The following LRP1B variants were observed in gnomAD, a reference collection of about 807,000 sequenced individuals.
LRP1B encodes LDL receptor related protein 1B, also known as low-density lipoprotein receptor-related protein 1B.
LRP1B carries 217 observed loss-of-function variants against 556.6 expected under a neutral mutation model. That is an observed-to-expected ratio of 0.39 (90% CI 0.35 to 0.44). The LOEUF is 0.44. LRP1B is among the 20% of genes least tolerant of loss of function. The pLI is 1.00. For missense variants in LRP1B, 5,053 were observed against 5,620.8 expected, an observed-to-expected ratio of 0.90 and a Z score of 3.23; for synonymous variants, 2,047 against 1,865.8, an observed-to-expected ratio of 1.10 and a Z score of -2.50.
intron 32 of LRP1B, among the ~76,000 whole-genome samples, chr2:140,777,271 T>C (rs865878382): frequency 6.6e-6 from 1 of 152,158 alleles, no homozygotes; most frequent in Non-Finnish European, 1.5e-5. Context: ...TCCTTAGCCC[T>C]TTGCCCCTAG....
At chr2:141,894,744 T>C (rs1016292647) in intron 1 of LRP1B, among the ~76,000 whole-genome samples, 4 of 151,796 alleles carry the variant, frequency 2.6e-5, no homozygotes, top group African/African-American at 4.8e-5. Context: ...CACCTATATA[T>C]ACCCATTAAG....
chr2:140,641,120 A>C (rs946829085), intron 41 of LRP1B, among the ~76,000 whole-genome samples: 1 of 152,210 alleles, frequency 6.6e-6, no homozygotes, highest in Non-Finnish European at 1.5e-5. Flanking sequence ...TGGTTTCCAC[A>C]AAAATTGCCA....
chr2:140,526,946 G>T (rs2104972601), intron 47 of LRP1B, among the ~76,000 whole-genome samples: 1 of 151,836 alleles, frequency 6.6e-6, no homozygotes, highest in South Asian at 2.1e-4. Context: ...ACCACTACTA[G>T]AAAGTCATCT....
intron 35 of LRP1B, among the ~76,000 whole-genome samples, chr2:140,744,084 G>A (rs1433788602): frequency 3.3e-5 from 5 of 150,622 alleles, no homozygotes; most frequent in Non-Finnish European, 7.4e-5. Flanking sequence ...ATAAACCCGC[G>A]GTTATAAGAT....
intron 7 of LRP1B, among the ~76,000 whole-genome samples, chr2:141,070,262 C>A (rs1699601264): frequency 6.6e-6 from 1 of 150,796 alleles, no homozygotes; most frequent in South Asian, 2.1e-4. Context: ...CTACTGGGTA[C>A]ATAACGAAAT....
intron 23 of LRP1B, among the ~76,000 whole-genome samples, chr2:140,902,153 A>G (rs947460799): frequency 2.6e-5 from 4 of 152,112 alleles, no homozygotes; most frequent in Admixed American, 6.5e-5. Flanking sequence ...TATTTTCCCA[A>G]ACAAAGTTCC....
In LRP1B at chr2:140,400,326, T is replaced by A. The variant is rs573504898; in HGVS notation, c.10415-14317A>T. ...CTGATGAATACGTATTCCAGCCCTG[T>A]CTCTTGTTTTGGGTAATCCTGAGGA... On this transcript the variant is annotated intron_variant, in intron 66 of 90. Transcript: ENST00000389484. Among the ~76,000 whole-genome samples the A allele has an allele frequency of 8.5e-5, 13 of 152,246 alleles. No individual in the cohort carries two copies. In the East Asian group the frequency reaches 2.5e-3, roughly 29 times the overall value.
In LRP1B at chr2:140,233,338, A is replaced by T; in HGVS notation, c.13660-12T>A. 6.4e-7 allele frequency: 1 copy of T among 1,558,344 alleles called. No individual in the cohort carries two copies. The highest frequency in any genetic ancestry group is 8.7e-7 in the Non-Finnish European group (1 of 1,151,288). The stretch of plus-strand genomic sequence containing the variant: ...GAGTAATTTGTTGGCTGAAGGAGAA[A>T]AAAAATAAATATAATTTTATTACTG... On this transcript the variant is annotated splice_polypyrimidine_tract_variant and intron_variant, in intron 90 of 90. Transcript: ENST00000389484.
At chr2:140,885,057 C>A (rs2033291) in intron 24 of LRP1B, among the ~76,000 whole-genome samples, 79,514 of 151,968 alleles carry the variant, frequency 0.52, 22,447 homozygotes, top group Middle Eastern at 0.65. Flanking sequence ...ATGATAAATC[C>A]TTGTAGTTTG....
At chr2:141,744,746 C>A (rs188208427) in intron 2 of LRP1B, among the ~76,000 whole-genome samples, 81 of 152,228 alleles carry the variant, frequency 5.3e-4, no homozygotes, top group African/African-American at 1.9e-3. Context: ...GGTCTTGATG[C>A]TTGTGCATGT....
chr2:141,735,113 C>G (rs1693414703), intron 2 of LRP1B, among the ~76,000 whole-genome samples: 1 of 150,738 alleles, frequency 6.6e-6, no homozygotes. Context: ...ATTTTCTCCC[C>G]TATGCTTGGA....
intron 45 of LRP1B, among the ~76,000 whole-genome samples, chr2:140,540,285 A>G (rs1433308326): frequency 1.3e-5 from 2 of 152,150 alleles, no homozygotes; most frequent in African/African-American, 2.4e-5. Flanking sequence ...CTCCTACCTT[A>G]TACATAAATT....
intron 1 of LRP1B, among the ~76,000 whole-genome samples, chr2:141,912,045 C>A (rs953022050): frequency 6.6e-6 from 1 of 152,030 alleles, no homozygotes; most frequent in Non-Finnish European, 1.5e-5. Context: ...TGTAATGGAC[C>A]GCCATATATT....
chr2:141,038,241 G>A (rs1698595389), intron 11 of LRP1B, among the ~76,000 whole-genome samples: 2 of 152,140 alleles, frequency 1.3e-5, no homozygotes, highest in East Asian at 1.9e-4. Flanking sequence ...CCGGGCCAGA[G>A]GCAGCACAAA....
chr2:141,624,598 TATAA>T (rs1688634847), intron 2 of LRP1B, among the ~76,000 whole-genome samples: 1 of 152,174 alleles, frequency 6.6e-6, no homozygotes, highest in African/African-American at 2.4e-5. Flanking sequence ...TATCTCTATC[TATAA>T]ATAGATAGAT....
At chr2:141,678,693 A>G (rs1034329700) in intron 2 of LRP1B, among the ~76,000 whole-genome samples, 7 of 152,194 alleles carry the variant, frequency 4.6e-5, no homozygotes, top group African/African-American at 1.2e-4. Flanking sequence ...AACAAACATT[A>G]TTCAACAGAA....
At chr2:140,673,943 T>TA (rs1685577220) in intron 41 of LRP1B, among the ~76,000 whole-genome samples, 1 of 145,666 alleles carries the variant, frequency 6.9e-6, no homozygotes, top group African/African-American at 2.5e-5. Context: ...TTTTCTTTTT[T>TA]CTTTTTTTTT....
At position 141,298,681 on chromosome 2, in the gene LRP1B, G is replaced by A. The variant is rs568398963; in HGVS notation, c.344-44040C>T. ...TAATAAACTGTAAGTGAGGCCAGGC[G>A]TGGTGGCTCACGCCTGTAATACCAG... On this transcript the variant is annotated intron_variant, in intron 3 of 90. Transcript: ENST00000389484. 1.1e-4 allele frequency among the ~76,000 whole-genome samples: 16 copies of A among 152,134 alleles called. No homozygotes were observed. The South Asian group carries it at 2.1e-3, about 20-fold the overall frequency.
At chr2:141,062,013 A>C in intron 8 of LRP1B, 38 bp downstream of exon 8, 7 of 1,542,060 alleles carry the variant, frequency 4.5e-6, no homozygotes, top group Non-Finnish European at 5.4e-6. Flanking sequence ...CTTTCTTTTT[A>C]TTACCCTAGG....
Sources: gnomAD v4.1 joint callset for allele counts (sites outside exome capture counted in the v4.1 genomes callset) on GRCh38, gnomAD v4.1.1 for gene constraint, MANE v1.5 for transcripts, NCBI Gene and HGNC (gene_info 2026-07-23, HGNC 2026-07-21) for gene names.